ENTREP2: variants seen among roughly 807,000 people sequenced by gnomAD.
ENTREP2 encodes endosomal transmembrane epsin interactor 2, also known as protein ENTREP2.
chr15:29,508,481 A>G, the ENTREP2 span, among the ~76,000 whole-genome samples: 1 of 152,218 alleles, frequency 6.6e-6, no homozygotes, highest in African/African-American at 2.4e-5. Context: ...CCTGATGAAC[A>G]CCAATGCGAA....
the ENTREP2 span, among the ~76,000 whole-genome samples, chr15:29,451,881 C>T: frequency 1.3e-5 from 2 of 152,218 alleles, no homozygotes; most frequent in African/African-American, 2.4e-5. Context: ...CAGACCTCTG[C>T]GAAGAATCCT....
chr15:29,234,407 A>G, the ENTREP2 span: 5 of 1,538,006 alleles, frequency 3.3e-6, no homozygotes, highest in Admixed American at 1.7e-5. Flanking sequence ...GGAAGCAATA[A>G]AATGGGCAAC....
the ENTREP2 span, among the ~76,000 whole-genome samples, chr15:29,138,477 C>A: frequency 3.7e-3 from 556 of 152,300 alleles, 3 homozygotes; most frequent in African/African-American, 0.013. Context: ...CAGGGGCCCT[C>A]CTGGCGCAGG....
chr15:29,574,903 A>T, the ENTREP2 span, among the ~76,000 whole-genome samples: 1 of 152,198 alleles, frequency 6.6e-6, no homozygotes, highest in East Asian at 1.9e-4. Context: ...TACTTCTCCT[A>T]CTAAAGACAA....
the ENTREP2 span, among the ~76,000 whole-genome samples, chr15:29,163,935 A>G: frequency 6.6e-6 from 1 of 152,232 alleles, no homozygotes; most frequent in Non-Finnish European, 1.5e-5. Context: ...GGTAACCTAT[A>G]AAAGAAAACC....
the ENTREP2 span, among the ~76,000 whole-genome samples, chr15:29,590,870 C>T: frequency 6.6e-6 from 1 of 152,068 alleles, no homozygotes; most frequent in African/African-American, 2.4e-5. Context: ...AATGTTCTAA[C>T]ATAACTTCCT....
chr15:29,393,001 TTC>T, the ENTREP2 span, among the ~76,000 whole-genome samples: 1 of 152,248 alleles, frequency 6.6e-6, no homozygotes, highest in Non-Finnish European at 1.5e-5. Flanking sequence ...TATCTAGAAA[TTC>T]TTTTATTTCC....
chr15:29,360,252 G>A, the ENTREP2 span, among the ~76,000 whole-genome samples: 10 of 152,110 alleles, frequency 6.6e-5, no homozygotes, highest in East Asian at 1.7e-3. Context: ...GAAAGAATAC[G>A]CATTTTGAAT....
chr15:29,479,644 C>CTCTG, the ENTREP2 span, among the ~76,000 whole-genome samples: 1 of 150,388 alleles, frequency 6.6e-6, no homozygotes, highest in African/African-American at 2.5e-5. Context: ...CTCCCTCTCT[C>CTCTG]TCTGTCTGTC....
the ENTREP2 span, among the ~76,000 whole-genome samples, chr15:29,518,897 G>A: frequency 7.2e-5 from 11 of 152,258 alleles, no homozygotes; most frequent in African/African-American, 2.2e-4. Flanking sequence ...GATCAAGGGC[G>A]TTTCAAGAGG....
At chr15:29,265,903 G>T in the ENTREP2 span, 1 of 152,044 alleles carries the variant, frequency 6.6e-6, no homozygotes, top group Non-Finnish European at 1.5e-5. Context: ...GAACACTTAG[G>T]GAAAAAAGGC....
At chr15:29,663,427 A>T in the ENTREP2 span, among the ~76,000 whole-genome samples, 3 of 152,186 alleles carry the variant, frequency 2.0e-5, no homozygotes, top group African/African-American at 7.2e-5. Context: ...TGTTTATTGC[A>T]GCACTATTCA....
the ENTREP2 span, among the ~76,000 whole-genome samples, chr15:29,159,778 G>A: frequency 1.3e-5 from 2 of 152,210 alleles, no homozygotes; most frequent in African/African-American, 4.8e-5. Context: ...CCTTGAGCTA[G>A]ACACAGAGTG....
the ENTREP2 span, among the ~76,000 whole-genome samples, chr15:29,581,546 C>T: frequency 1.3e-5 from 2 of 152,180 alleles, no homozygotes; most frequent in South Asian, 4.1e-4. Flanking sequence ...GCAAAGTTGA[C>T]ACAAAATTAA....
the ENTREP2 span, among the ~76,000 whole-genome samples, chr15:29,566,846 T>TACACACACACACACACACACACACAC: frequency 3.6e-4 from 52 of 146,170 alleles, 1 homozygote; most frequent in South Asian, 2.2e-3. Flanking sequence ...AAAGGAAAAA[T>TACACACACACACACACACACACACAC]ACACACACAC....
chr15:29,326,331 A>G, the ENTREP2 span, among the ~76,000 whole-genome samples: 3 of 152,262 alleles, frequency 2.0e-5, no homozygotes, highest in African/African-American at 7.2e-5. Flanking sequence ...CAAAATCCCA[A>G]AGAACTGTCA....
chr15:29,565,994 T>C, the ENTREP2 span, among the ~76,000 whole-genome samples: 2 of 151,794 alleles, frequency 1.3e-5, no homozygotes, highest in African/African-American at 4.8e-5. Context: ...ACATTTTCCA[T>C]ACATATATAT....
At chr15:29,297,909 T>C in the ENTREP2 span, among the ~76,000 whole-genome samples, 1 of 152,192 alleles carries the variant, frequency 6.6e-6, no homozygotes, top group African/African-American at 2.4e-5. Context: ...AACTGCAGTG[T>C]CTGAAGGATG....
At chr15:29,590,683 C>CAAAAAAAA in the ENTREP2 span, among the ~76,000 whole-genome samples, 198 of 74,174 alleles carry the variant, frequency 2.7e-3, 1 homozygote, top group Middle Eastern at 9.3e-3. Flanking sequence ...GACTCCGTCT[C>CAAAAAAAA]AAAAAAAAAA....
Sources: allele counts gnomAD v4.1 joint callset (sites outside exome capture counted in the v4.1 genomes callset), GRCh38; gene constraint gnomAD v4.1.1; transcripts MANE v1.5; gene names NCBI Gene and HGNC (gene_info 2026-07-23, HGNC 2026-07-21).